The following SEM1 variants were observed in gnomAD, a reference collection of about 807,000 sequenced individuals.
SEM1 encodes the protein 26S proteasome complex subunit SEM1.
SEM1 carries 3 observed loss-of-function variants against 12.7 expected under a neutral mutation model. The observed-to-expected ratio is 0.24, with a 90% CI of 0.11 to 0.61. The LOEUF is 0.61. Among genes scored for constraint, SEM1 ranks in the 20% least tolerant of loss-of-function variants. The probability of loss-of-function intolerance (pLI) is 0.88; values close to 1 mark genes in which losing one functional copy is unlikely to be tolerated. For synonymous variants in SEM1, 30 were observed against 27.8 expected, an observed-to-expected ratio of 1.08 and a Z score of -0.25; for missense variants, 59 against 81.3, an observed-to-expected ratio of 0.73 and a Z score of 1.06.
intron 2 of SEM1, among the ~76,000 whole-genome samples, chr7:96,574,138 A>G (rs1806127812): frequency 6.6e-6 from 1 of 151,786 alleles, no homozygotes; most frequent in African/African-American, 2.4e-5. Flanking sequence ...TCCTGTGTCC[A>G]TGTGTTCTCA....
chr7:96,702,165 A>T (rs756817548), intron 1 of SEM1, among the ~76,000 whole-genome samples: 1 of 152,180 alleles, frequency 6.6e-6, no homozygotes, highest in Non-Finnish European at 1.5e-5. Context: ...AGGGAATAAC[A>T]AATGTAGAAA....
chr7:96,522,728 C>CG (rs1259455088), intron 2 of SEM1, among the ~76,000 whole-genome samples: 1 of 124,802 alleles, frequency 8.0e-6, no homozygotes, highest in African/African-American at 2.7e-5. Context: ...AAATACCCCC[C>CG]CCCCAAAAAA....
At chr7:96,494,293 A>C (rs1803149106) in intron 1 of SEM1, among the ~76,000 whole-genome samples, 1 of 152,200 alleles carries the variant, frequency 6.6e-6, no homozygotes, top group African/African-American at 2.4e-5. Flanking sequence ...TGAAATACTT[A>C]ATAAGTGTTC....
chr7:96,503,735 A>G (rs999085895), intron 3 of SEM1, among the ~76,000 whole-genome samples: 2 of 152,140 alleles, frequency 1.3e-5, no homozygotes, highest in Non-Finnish European at 2.9e-5. Context: ...TTCTGAACAG[A>G]AAGTGCTGAC....
chr7:96,622,960 ACAGGGTGCCAGG>A, intron 2 of SEM1: 2 of 297,022 alleles, frequency 6.7e-6, no homozygotes, highest in South Asian at 1.5e-4. Context: ...CACCTGAGTC[ACAGGGTGCCAGG>A]CATTTGGCTA....
chr7:96,550,695 G>C (rs759364515), intron 2 of SEM1, among the ~76,000 whole-genome samples: 9 of 152,178 alleles, frequency 5.9e-5, no homozygotes, highest in Non-Finnish European at 1.3e-4. Flanking sequence ...TTATTATGCT[G>C]TGCTTCCTTG....
downstream of SEM1, among the ~76,000 whole-genome samples, chr7:96,670,277 C>T (rs899066283): frequency 2.0e-5 from 3 of 152,110 alleles, no homozygotes; most frequent in Non-Finnish European, 4.4e-5. Context: ...TGATTTGTCT[C>T]AAATACTGGA....
intron 1 of SEM1, among the ~76,000 whole-genome samples, chr7:96,700,133 CT>C (rs1402081778): frequency 1.3e-5 from 2 of 152,174 alleles, no homozygotes; most frequent in Non-Finnish European, 1.5e-5. Flanking sequence ...ACCATTCTCT[CT>C]GTACTTTTCA....
At chr7:96,511,312 G>T (rs566400051) in intron 2 of SEM1, among the ~76,000 whole-genome samples, 1 of 152,198 alleles carries the variant, frequency 6.6e-6, no homozygotes, top group East Asian at 1.9e-4. Context: ...TAGTCCAATC[G>T]AGTGGAGAGA....
At chr7:96,482,273 T>G (rs1453236169) in exon 4 of SEM1, 21 of 152,208 alleles carry the variant, frequency 1.4e-4, no homozygotes, top group Admixed American at 1.3e-3. Context: ...TGTTATAGAC[T>G]ATGCTGGGCC....
chr7:96,531,606 G>GA (rs5885966), intron 2 of SEM1, among the ~76,000 whole-genome samples: 1,481 of 129,748 alleles, frequency 0.011, 12 homozygotes, highest in Middle Eastern at 0.019. Context: ...ACTCTGTGTG[G>GA]AAAAAAAAAA....
intron 2 of SEM1, among the ~76,000 whole-genome samples, chr7:96,542,960 C>A (rs1164879720): frequency 6.6e-6 from 1 of 151,788 alleles, no homozygotes; most frequent in East Asian, 1.9e-4. Flanking sequence ...GAAAGGATTG[C>A]ATTTTTAATT....
intron 2 of SEM1, among the ~76,000 whole-genome samples, chr7:96,511,547 A>G (rs989071516): frequency 2.6e-5 from 4 of 152,132 alleles, no homozygotes; most frequent in African/African-American, 9.7e-5. Flanking sequence ...ACTGATGTAT[A>G]TAGCACAAAT....
intron 2 of SEM1, among the ~76,000 whole-genome samples, chr7:96,625,770 C>T (rs1808042107): frequency 6.6e-6 from 1 of 152,154 alleles, no homozygotes; most frequent in African/African-American, 2.4e-5. Context: ...TTAAATTTGG[C>T]TACACTTTGG....
intron 2 of SEM1, among the ~76,000 whole-genome samples, chr7:96,521,117 T>C (rs954333675): frequency 6.6e-6 from 1 of 152,104 alleles, no homozygotes; most frequent in South Asian, 2.1e-4. Flanking sequence ...AGCATCTCTA[T>C]GATTTTCTTC....
chr7:96,566,115 ATAT>A (rs1485220614), intron 2 of SEM1, among the ~76,000 whole-genome samples: 2 of 151,738 alleles, frequency 1.3e-5, no homozygotes, highest in East Asian at 1.9e-4. Flanking sequence ...ATATTTTAAA[ATAT>A]TATTTTATTC....
chr7:96,694,689 C>A, intron 2 of SEM1, 109 bp downstream of exon 2: 1 of 695,518 alleles, frequency 1.4e-6, no homozygotes, highest in Non-Finnish European at 2.5e-6. Context: ...GTTCAAAAAC[C>A]TATTTCAAAG....
At chr7:96,519,029 A>C (rs1287390500) in intron 2 of SEM1, among the ~76,000 whole-genome samples, 1 of 152,178 alleles carries the variant, frequency 6.6e-6, no homozygotes, top group African/African-American at 2.4e-5. Flanking sequence ...TTATTGTGAC[A>C]GAAAGTAGAG....
chr7:96,706,875 A>G lies in SEM1; in HGVS notation c.76+2813T>C, dbSNP rs78718314. Among the ~76,000 whole-genome samples the G allele has an allele frequency of 6.3e-4, 96 of 152,326 alleles. 2 individuals are homozygous for G. In the East Asian group the frequency reaches 0.018, roughly 28 times the overall value. ...TCTGTTATAGACTGCAGAGATGTTCATAGGCTGCCTTAACAACACCAATTT... is the reference window on the plus strand; with the variant it reads ...TCTGTTATAGACTGCAGAGATGTTCGTAGGCTGCCTTAACAACACCAATTT... On this transcript the variant is annotated intron_variant, in intron 1 of 2. Transcript: ENST00000248566.
Sources: allele counts gnomAD v4.1 joint callset (sites outside exome capture counted in the v4.1 genomes callset), GRCh38; gene constraint gnomAD v4.1.1; transcripts MANE v1.5; gene names NCBI Gene and HGNC (gene_info 2026-07-23, HGNC 2026-07-21).